Variants in PDE6C observed in about 807,000 individuals in gnomAD.
The protein encoded by PDE6C is phosphodiesterase 6C.
PDE6C carries 75 observed loss-of-function variants against 113.1 expected under a neutral mutation model. That is an observed-to-expected ratio of 0.66 (90% CI 0.55 to 0.80). PDE6C has a LOEUF of 0.80. Among genes scored for constraint, PDE6C ranks in the 30% least tolerant of loss-of-function variants. The probability of loss-of-function intolerance (pLI) is 0.00; values close to 1 mark genes in which losing one functional copy is unlikely to be tolerated. For synonymous variants in PDE6C, 375 were observed against 363.7 expected (o/e 1.03, Z -0.35); for missense variants, 912 against 1,038.6 (o/e 0.88, Z 1.67).
chr10:93,644,911 A>ACTATATCGATATAGTATATATATATACT (rs2058577372), intron 14 of PDE6C, among the ~76,000 whole-genome samples: 1 of 147,932 alleles, frequency 6.8e-6, no homozygotes, highest in African/African-American at 2.5e-5. Context: ...GTATATATAC[A>ACTATATCGATATAGTATATATATATACT]CTATATCGAT....
chr10:93,626,905 T>A (rs767511277), intron 7 of PDE6C, 34 bp downstream of exon 7: 2 of 1,542,912 alleles, frequency 1.3e-6, no homozygotes, highest in Admixed American at 3.4e-5. Context: ...TTTTAAATAA[T>A]ATTGCAAGAA....
At chr10:93,641,468 A>G (rs1443819723) in intron 14 of PDE6C, among the ~76,000 whole-genome samples, 6 of 152,000 alleles carry the variant, frequency 3.9e-5, no homozygotes, top group Non-Finnish European at 7.4e-5. Flanking sequence ...TGTCTCTACT[A>G]AAAGTACAAA....
chr10:93,665,292 G>T, intron 21 of PDE6C, 68 bp from the exon 22 acceptor site: 1 of 1,130,346 alleles, frequency 8.8e-7, no homozygotes, highest in South Asian at 1.2e-5. Context: ...ACTATCATGG[G>T]AATGTTAGAA....
intron 8 of PDE6C, among the ~76,000 whole-genome samples, chr10:93,631,292 G>A (rs754772808): frequency 3.3e-5 from 5 of 152,204 alleles, no homozygotes; most frequent in South Asian, 2.1e-4. Flanking sequence ...AAGTGTAGCC[G>A]TGCAATGGCT....
rs2058635662 is a variant in PDE6C at position 93,655,890 on chromosome 10, C to T, written c.2036+30C>T. 4.7e-6 allele frequency: 5 copies of T among 1,074,602 alleles called. No individual in the cohort carries two copies. The Admixed American group carries it at 5.1e-5, about 11-fold the overall frequency. 66.6% of individuals were successfully genotyped at this position (1,074,602 alleles called of 1,614,324 possible). ...GTACATAACTCTGCACAGTGGAATGCCCTATACTCTGTGTGGTTTTACCTT... is the reference window on the plus strand; with the variant it reads ...GTACATAACTCTGCACAGTGGAATGTCCTATACTCTGTGTGGTTTTACCTT... On this transcript the variant is annotated intron_variant, in intron 16 of 21. Transcript: ENST00000371447.
At chr10:93,621,861 T>A in intron 3 of PDE6C, 71 bp from the exon 4 acceptor site, 1 of 1,377,444 alleles carries the variant, frequency 7.3e-7, no homozygotes, top group South Asian at 1.2e-5. Flanking sequence ...TCATGTTTTC[T>A]TGTGGTGAAT....
At chr10:93,654,360 C>T (rs1272056496) in intron 15 of PDE6C, among the ~76,000 whole-genome samples, 2 of 152,178 alleles carry the variant, frequency 1.3e-5, no homozygotes, top group Non-Finnish European at 2.9e-5. Flanking sequence ...ACTCTGGAAC[C>T]ATGCTGCACT....
At chr10:93,631,600 G>A (rs11187560) in intron 8 of PDE6C, among the ~76,000 whole-genome samples, 62,252 of 151,768 alleles carry the variant, frequency 0.41, 12,879 homozygotes, top group East Asian at 0.56. Flanking sequence ...CTCCCTCCCC[G>A]CCGCTCTTCA....
At chr10:93,619,174 T>G (rs1469644717) in intron 1 of PDE6C, among the ~76,000 whole-genome samples, 1 of 152,192 alleles carries the variant, frequency 6.6e-6, no homozygotes, top group Non-Finnish European at 1.5e-5. Flanking sequence ...CTTCCATTTG[T>G]GCGCTTCTCC....
chr10:93,654,784 TTCTTTCTTTCTTTCTTTCTTTCTTTC>T (rs2058626522), intron 15 of PDE6C, among the ~76,000 whole-genome samples: 1 of 93,012 alleles, frequency 1.1e-5, no homozygotes, highest in Admixed American at 1.3e-4. Context: ...CTTTCTTTCT[TTCTTTCTTTCTTTCTTTCTTTCTTTC>T]TTTTTTTTTT....
chr10:93,641,486 C>T (rs964640236), intron 14 of PDE6C, among the ~76,000 whole-genome samples: 2 of 151,770 alleles, frequency 1.3e-5, no homozygotes, highest in East Asian at 1.9e-4. Context: ...AAAAATTAGT[C>T]GGATGTGGCA....
At chr10:93,639,654 G>T (rs1163182554) in intron 11 of PDE6C, among the ~76,000 whole-genome samples, 1 of 152,138 alleles carries the variant, frequency 6.6e-6, no homozygotes, top group African/African-American at 2.4e-5. Flanking sequence ...AGCACATAAA[G>T]AAAATTCAAG....
At chr10:93,658,046 T>G (rs1295629782) in intron 16 of PDE6C, among the ~76,000 whole-genome samples, 1 of 151,008 alleles carries the variant, frequency 6.6e-6, no homozygotes, top group Non-Finnish European at 1.5e-5. Context: ...GGAGCATGCC[T>G]GTAGTCCCAC....
At chr10:93,621,283 T>A (rs1002302486) in intron 3 of PDE6C, among the ~76,000 whole-genome samples, 1 of 152,200 alleles carries the variant, frequency 6.6e-6, no homozygotes, top group Admixed American at 6.5e-5. Flanking sequence ...CTACTTCAGA[T>A]GGTTGTTGTG....
At chr10:93,618,693 G>A (rs1437250674) in intron 1 of PDE6C, among the ~76,000 whole-genome samples, 1 of 152,234 alleles carries the variant, frequency 6.6e-6, no homozygotes, top group Non-Finnish European at 1.5e-5. Flanking sequence ...AAAAGTGCAG[G>A]TTCCACTGTA....
chr10:93,620,999 TAGTC>T lies in PDE6C; in HGVS notation c.723+21_723+24del. The T allele has an allele frequency of 6.3e-7, 1 of 1,587,364 alleles. No homozygotes were observed. Among genetic ancestry groups the T allele is most frequent in the Non-Finnish European group, 8.7e-7 (1 of 1,155,716 alleles). Reference sequence around the variant, plus strand: ...AAGCCAGGTAAAAGGAAGGCAGCATTAGTCATTCCATGCTGACCTATTCTGACAA... The same window carrying T: ...AAGCCAGGTAAAAGGAAGGCAGCATTATTCCATGCTGACCTATTCTGACAA... On this transcript the variant is annotated intron_variant, in intron 3 of 21. Coordinates refer to ENST00000371447, the MANE Select transcript of PDE6C (RefSeq NM_006204.4).
intron 13 of PDE6C, 59 bp downstream of exon 13, chr10:93,640,616 G>T: frequency 8.7e-7 from 1 of 1,155,994 alleles, no homozygotes; most frequent in Non-Finnish European, 1.3e-6. Context: ...TGAGCATGAT[G>T]AGAAATAGGT....
chr10:93,642,605 T>C (rs1308001681), intron 14 of PDE6C, among the ~76,000 whole-genome samples: 1 of 152,112 alleles, frequency 6.6e-6, no homozygotes, highest in Non-Finnish European at 1.5e-5. Flanking sequence ...CTTGGGTTTG[T>C]GGGGACCAAC....
intron 18 of PDE6C, among the ~76,000 whole-genome samples, chr10:93,661,602 T>G (rs973173943): frequency 6.6e-6 from 1 of 151,112 alleles, no homozygotes; most frequent in Non-Finnish European, 1.5e-5. Context: ...TTGATAAATG[T>G]TTTTTTTTAG....
Sources: allele counts gnomAD v4.1 joint callset (sites outside exome capture counted in the v4.1 genomes callset), GRCh38; gene constraint gnomAD v4.1.1; transcripts MANE v1.5; gene names NCBI Gene and HGNC (gene_info 2026-07-23, HGNC 2026-07-21).